The following SCUBE2 variants were observed in gnomAD, a reference collection of about 807,000 sequenced individuals.
SCUBE2 encodes the protein signal peptide, CUB and EGF-like domain-containing protein 2.
A neutral mutation model predicts 125.9 loss-of-function variants in SCUBE2; 114 were observed. That is an observed-to-expected ratio of 0.91 (90% confidence interval 0.78 to 1.06). The LOEUF is 1.06. Among genes scored for constraint, SCUBE2 ranks in the 50% least tolerant of loss-of-function variants. The pLI, the probability that SCUBE2 is intolerant of heterozygous loss-of-function variation, is 0.00. For missense variants in SCUBE2, 1,255 were observed against 1,301.8 expected (o/e 0.96, Z 0.55); for synonymous variants, 459 against 492.9 (o/e 0.93, Z 0.91).
chr11:9,063,955 T>C (rs1859938606), intron 7 of SCUBE2, among the ~76,000 whole-genome samples: 1 of 152,206 alleles, frequency 6.6e-6, no homozygotes, highest in African/African-American at 2.4e-5. Flanking sequence ...AATATAATCA[T>C]AGCACGTTAC....
intron 10 of SCUBE2, among the ~76,000 whole-genome samples, chr11:9,054,726 T>TATATATA (rs1491239911): frequency 1.4e-4 from 4 of 28,414 alleles, no homozygotes; most frequent in African/African-American, 2.3e-4. Flanking sequence ...TATATATATA[T>TATATATA]TTTTTTTTTT....
At chr11:9,088,514 C>T (rs74052396) in intron 2 of SCUBE2, among the ~76,000 whole-genome samples, 130 of 152,334 alleles carry the variant, frequency 8.5e-4, no homozygotes, top group African/African-American at 2.9e-3. Context: ...AAAAGTTTTC[C>T]TCCTCATCTA....
chr11:9,080,529 T>C (rs952734718), intron 2 of SCUBE2, among the ~76,000 whole-genome samples: 2 of 151,792 alleles, frequency 1.3e-5, no homozygotes, highest in African/African-American at 4.8e-5. Context: ...TGCACGCCTA[T>C]AGTCCCAGCT....
chr11:9,030,000 C>T lies in SCUBE2; in HGVS notation c.2387G>A (p.Cys796Tyr). The T allele has an allele frequency of 6.2e-7, 1 of 1,614,116 alleles. No individual in the cohort carries two copies. Among genetic ancestry groups the T allele is most frequent in the Non-Finnish European group, 8.5e-7 (1 of 1,180,026 alleles). Residue 796 changes from cysteine (C) to tyrosine (Y), a missense_variant, in exon 19 of 23, where the codon TGT (cysteine) becomes TAT (tyrosine). By Grantham distance (194) the Cys-to-Tyr change is radical. Around this residue, in one of 3 missense-constraint regions of SCUBE2, gnomAD observed 515 missense variants for 515.7 expected, o/e 1.00. Transcript: ENST00000649792. ...GTATGTTCCCACTGGGCAACGAATA[C>T]ATCGGTGAGTGGTGGTGTTGTAGAA... ...GHFYNTTTHRCIRCPVGTYQP... is the reference protein window; with the variant it reads ...GHFYNTTTHRYIRCPVGTYQP...
chr11:9,061,019 A>G (rs1434309659), intron 7 of SCUBE2, among the ~76,000 whole-genome samples: 1 of 152,192 alleles, frequency 6.6e-6, no homozygotes, highest in Non-Finnish European at 1.5e-5. Context: ...AATTTACTCA[A>G]ATTTGAAGTT....
At chr11:9,067,776 A>G (rs1860389272) in intron 5 of SCUBE2, among the ~76,000 whole-genome samples, 1 of 152,250 alleles carries the variant, frequency 6.6e-6, no homozygotes, top group Non-Finnish European at 1.5e-5. Context: ...AAAATTAAAA[A>G]AAGTTAATAA....
At position 9,047,498 on chromosome 11, in the gene SCUBE2, C is replaced by A; in HGVS notation, c.1860G>T (p.Thr620=). 6.2e-7 allele frequency: 1 copy of A among 1,613,600 alleles called. No homozygotes were observed. The highest frequency in any genetic ancestry group is 8.5e-7 in the Non-Finnish European group (1 of 1,179,970). The change falls in exon 16 of 23, where the codon ACG becomes ACT. Residue 620 remains threonine (T), a synonymous_variant. Coordinates refer to ENST00000649792, the MANE Select transcript of SCUBE2 (RefSeq NM_001367977.2). ...TEKRLRKAIR[T]LRKAVHREQF... Reference sequence around the variant, plus strand: ...GCTCCCTGTGGACGGCCTTTCTGAGCGTGCGGATGGCTTTACGGAGCCGCT... The same window carrying A: ...GCTCCCTGTGGACGGCCTTTCTGAGAGTGCGGATGGCTTTACGGAGCCGCT...
intron 16 of SCUBE2, among the ~76,000 whole-genome samples, chr11:9,035,364 G>A (rs891172390): frequency 1.3e-5 from 2 of 152,146 alleles, no homozygotes; most frequent in Non-Finnish European, 2.9e-5. Context: ...GCTAATTTGT[G>A]AAATACTCCT....
Position 9,079,437 on chromosome 11 carries a change from C to T in SCUBE2, c.329G>A (p.Arg110His), listed in dbSNP as rs751243340. ...HDCLNIPGNY[R>H]CTCFDGFMLA... is the part of the protein sequence containing the mutation. ...CATGAAGCCATCAAAACAAGTGCAA[C>T]GATAATTGCCTGGAATATTCAAACA... Residue 110 changes from arginine to histidine, a missense_variant, in exon 3 of 23, where the codon CGT becomes CAT. Physicochemically the swap from Arg to His is conservative, Grantham distance 29. Transcript: ENST00000649792. 176 of 1,613,956 alleles carry T rather than the reference C, an allele frequency of 1.1e-4. 1 individual carries two copies. Among genetic ancestry groups the T allele is most frequent in the South Asian group, 5.4e-4 (49 of 91,086 alleles).
intron 19 of SCUBE2, among the ~76,000 whole-genome samples, chr11:9,027,880 C>T (rs1855926654): frequency 6.6e-6 from 1 of 152,096 alleles, no homozygotes; most frequent in Non-Finnish European, 1.5e-5. Flanking sequence ...GTCCAAGTGC[C>T]AGAAGAACCC....
intron 17 of SCUBE2, among the ~76,000 whole-genome samples, chr11:9,033,059 C>G (rs566756023): frequency 6.6e-6 from 1 of 152,252 alleles, no homozygotes; most frequent in East Asian, 1.9e-4. Context: ...AGTGTCAATA[C>G]AGCCAGCCCT....
intron 16 of SCUBE2, among the ~76,000 whole-genome samples, chr11:9,036,462 C>CT (rs984465352): frequency 2.0e-5 from 3 of 152,176 alleles, no homozygotes; most frequent in African/African-American, 7.2e-5. Flanking sequence ...AGAATAACTC[C>CT]TTCATGGCTC....
chr11:9,052,653 A>G (rs181709519), intron 13 of SCUBE2, 93 bp downstream of exon 13: 568 of 971,914 alleles, frequency 5.8e-4, no homozygotes, highest in Admixed American at 8.9e-4. Context: ...TAACAGAAAA[A>G]AAACAAAGCC....
chr11:9,026,738 A>C (rs1169389105), intron 20 of SCUBE2: 1 of 152,944 alleles, frequency 6.5e-6, no homozygotes, highest in African/African-American at 2.4e-5. Flanking sequence ...TAAGTGTTTC[A>C]CATCTATGAA....
intron 19 of SCUBE2, among the ~76,000 whole-genome samples, chr11:9,028,040 T>TTCA (rs1283575401): frequency 1.3e-5 from 2 of 152,190 alleles, no homozygotes; most frequent in East Asian, 3.8e-4. Flanking sequence ...TTATTTTTTA[T>TTCA]TCATCTTTTA....
rs116186930 is a variant in SCUBE2, at chr11:9,073,311, C to T, written c.517+1170G>A. Reference sequence around the variant, plus strand: ...CACCTGGCACAAGATAGGAAATCTGCCTGATCAAAGCCAGTATGTGTGACT... The same window carrying T: ...CACCTGGCACAAGATAGGAAATCTGTCTGATCAAAGCCAGTATGTGTGACT... On this transcript the variant is annotated intron_variant, in intron 4 of 22. Coordinates refer to ENST00000649792, the MANE Select transcript of SCUBE2 (RefSeq NM_001367977.2). 8.8e-3 allele frequency among the ~76,000 whole-genome samples: 1,344 copies of T among 152,232 alleles called. 28 individuals are homozygous for T. Among genetic ancestry groups the T allele is most frequent in the African/African-American group, 0.029 (1,204 of 41,520 alleles).
At chr11:9,040,459 G>A (rs771112791) in intron 16 of SCUBE2, among the ~76,000 whole-genome samples, 52 of 151,744 alleles carry the variant, frequency 3.4e-4, no homozygotes, top group African/African-American at 6.1e-4. Context: ...GAGAAAGGGA[G>A]GATTCATATC....
At chr11:9,047,834 A>G in intron 15 of SCUBE2, 109 bp downstream of exon 15, 1 of 1,295,294 alleles carries the variant, frequency 7.7e-7, no homozygotes, top group Non-Finnish European at 1.1e-6. Context: ...AACAGGAGAT[A>G]CTTCAGTGTT....
At chr11:9,046,645 G>A (rs1178126215) in intron 16 of SCUBE2, among the ~76,000 whole-genome samples, 7 of 152,158 alleles carry the variant, frequency 4.6e-5, no homozygotes, top group African/African-American at 9.7e-5. Flanking sequence ...ATTTTAGTAC[G>A]GAAACTGGAA....
Sources: allele counts gnomAD v4.1 joint callset (sites outside exome capture counted in the v4.1 genomes callset), GRCh38; gene constraint gnomAD v4.1.1; regional missense constraint gnomAD v4.1.1; transcripts MANE v1.5; gene names NCBI Gene and HGNC (gene_info 2026-07-23, HGNC 2026-07-21).